The following SGCD variants were observed in gnomAD, a reference collection of about 807,000 sequenced individuals.
The protein encoded by SGCD is delta-sarcoglycan.
Under a neutral mutation model 36.6 loss-of-function variants are expected in SGCD, and 18 were observed. The ratio of observed to expected loss-of-function variants is 0.49; its 90% confidence interval spans 0.34 to 0.73. The LOEUF (loss-of-function observed/expected upper bound fraction) is 0.73. Ranked by LOEUF, SGCD falls within the 30% of genes least tolerant of loss-of-function variation. SGCD has a pLI of 0.01. For missense variants in SGCD, 387 were observed against 346.7 expected (o/e 1.12, Z -0.92); for synonymous variants, 133 against 130.6 (o/e 1.02, Z -0.12).
intron 1 of SGCD, among the ~76,000 whole-genome samples, chr5:156,054,639 A>G (rs1269067597): frequency 6.8e-6 from 1 of 146,702 alleles, no homozygotes; most frequent in Non-Finnish European, 1.5e-5. Flanking sequence ...GCAAAAGGCC[A>G]GATAATGTTT....
chr5:156,400,524 T>C (rs1043495457), intron 3 of SGCD, among the ~76,000 whole-genome samples: 2 of 152,164 alleles, frequency 1.3e-5, no homozygotes, highest in East Asian at 1.9e-4. Flanking sequence ...CATTACAGAA[T>C]AATAAGGACA....
intron 4 of SGCD, among the ~76,000 whole-genome samples, chr5:156,565,625 C>T (rs1759449025): frequency 6.6e-6 from 1 of 152,016 alleles, no homozygotes; most frequent in Admixed American, 6.6e-5. Flanking sequence ...TATATACGTG[C>T]CATGGTGGTT....
intron 3 of SGCD, among the ~76,000 whole-genome samples, chr5:156,470,106 T>C (rs1754889242): frequency 6.6e-6 from 1 of 152,234 alleles, no homozygotes; most frequent in African/African-American, 2.4e-5. Context: ...ATAAGTTCAC[T>C]TGTATGGTAA....
chr5:156,472,824 A>T (rs1003383141), intron 3 of SGCD, among the ~76,000 whole-genome samples: 1 of 152,240 alleles, frequency 6.6e-6, no homozygotes, highest in East Asian at 1.9e-4. Flanking sequence ...TCAAGTACAG[A>T]TAAAACTAAT....
intron 3 of SGCD, among the ~76,000 whole-genome samples, chr5:156,506,755 A>G (rs1460961079): frequency 1.3e-5 from 2 of 152,220 alleles, no homozygotes. Flanking sequence ...GGAAGATACT[A>G]GGTGGAAGAT....
intron 1 of SGCD, among the ~76,000 whole-genome samples, chr5:155,951,047 T>A (rs1275963343): frequency 6.6e-6 from 1 of 152,070 alleles, no homozygotes; most frequent in East Asian, 1.9e-4. Flanking sequence ...TTGAGGACAG[T>A]GAGAGGGTCA....
the SGCD span, among the ~76,000 whole-genome samples, chr5:155,766,969 T>G: frequency 2.0e-5 from 3 of 152,074 alleles, no homozygotes; most frequent in Non-Finnish European, 4.4e-5. Flanking sequence ...CTCCCAGGCT[T>G]CTTCTCCAAT....
At chr5:156,734,663 C>CTTG (rs1756255724) in intron 7 of SGCD, among the ~76,000 whole-genome samples, 1 of 152,096 alleles carries the variant, frequency 6.6e-6, no homozygotes, top group Non-Finnish European at 1.5e-5. Flanking sequence ...GCTGTTAATA[C>CTTG]TTGTTATTGC....
At chr5:156,667,446 G>A (rs185653181) in intron 7 of SGCD, among the ~76,000 whole-genome samples, 26 of 152,242 alleles carry the variant, frequency 1.7e-4, no homozygotes, top group African/African-American at 6.0e-4. Flanking sequence ...ACACACCCCA[G>A]CAATCCATGT....
chr5:155,998,604 TAGGTCTGTCTTGTCA>T (rs1758602395), intron 1 of SGCD, among the ~76,000 whole-genome samples: 1 of 152,242 alleles, frequency 6.6e-6, no homozygotes, highest in Non-Finnish European at 1.5e-5. Context: ...CTCTGTGGTA[TAGGTCTGTCTTGTCA>T]ACCTTAAATT....
At chr5:156,011,428 A>G (rs1758858042) in intron 1 of SGCD, among the ~76,000 whole-genome samples, 1 of 151,832 alleles carries the variant, frequency 6.6e-6, no homozygotes, top group Admixed American at 6.6e-5. Flanking sequence ...CTACATGAGA[A>G]ATAATCTGCA....
intron 1 of SGCD, among the ~76,000 whole-genome samples, chr5:156,099,650 A>G (rs552850443): frequency 1.3e-5 from 2 of 152,178 alleles, no homozygotes; most frequent in East Asian, 3.9e-4. Context: ...CCTGACCTCA[A>G]ATGATCCACC....
chr5:156,227,569 G>C (rs1186857956), intron 3 of SGCD, among the ~76,000 whole-genome samples: 1 of 151,990 alleles, frequency 6.6e-6, no homozygotes, highest in East Asian at 1.9e-4. Context: ...GCTTAGTCTT[G>C]CTTTGGCTAT....
At chr5:156,102,640 T>C (rs1761546925) in intron 1 of SGCD, among the ~76,000 whole-genome samples, 1 of 152,194 alleles carries the variant, frequency 6.6e-6, no homozygotes, top group Non-Finnish European at 1.5e-5. Context: ...TGTTGATGAC[T>C]ATTTGCTGAG....
At chr5:156,747,468 G>A (rs1454998916) in intron 7 of SGCD, among the ~76,000 whole-genome samples, 1 of 152,106 alleles carries the variant, frequency 6.6e-6, no homozygotes, top group Non-Finnish European at 1.5e-5. Context: ...CTAGGGGAGG[G>A]TCCATTTCCA....
intron 1 of SGCD, among the ~76,000 whole-genome samples, chr5:155,930,544 T>C (rs535486457): frequency 9.2e-5 from 14 of 152,302 alleles, no homozygotes; most frequent in African/African-American, 3.4e-4. Context: ...CCTTCCTTCT[T>C]TGAGTCAGTG....
chr5:156,459,418 A>G (rs1424475432), intron 3 of SGCD, among the ~76,000 whole-genome samples: 4 of 152,216 alleles, frequency 2.6e-5, no homozygotes, highest in Non-Finnish European at 4.4e-5. Context: ...TGTTAAAAAC[A>G]GTCTCTTAAT....
chr5:155,853,064 A>C, the SGCD span, among the ~76,000 whole-genome samples: 37 of 149,364 alleles, frequency 2.5e-4, no homozygotes, highest in Non-Finnish European at 3.5e-4. Context: ...GAAGAGTTTT[A>C]GTTATAATAT....
At chr5:156,002,554 T>G (rs1758685044) in intron 1 of SGCD, among the ~76,000 whole-genome samples, 1 of 152,234 alleles carries the variant, frequency 6.6e-6, no homozygotes, top group Non-Finnish European at 1.5e-5. Flanking sequence ...CTTTCTCTGC[T>G]TATGCCCCTT....
Sources: gnomAD v4.1 joint callset for allele counts (sites outside exome capture counted in the v4.1 genomes callset) on GRCh38, gnomAD v4.1.1 for gene constraint, MANE v1.5 for transcripts, NCBI Gene and HGNC (gene_info 2026-07-23, HGNC 2026-07-21) for gene names.